Variants in ATP2B1 observed in about 807,000 individuals in gnomAD.
ATP2B1 encodes the protein plasma membrane calcium-transporting ATPase 1.
Under a neutral mutation model 124.2 loss-of-function variants are expected in ATP2B1, and 14 were observed. The ratio of observed to expected loss-of-function variants is 0.11; its 90% CI spans 0.07 to 0.18. ATP2B1 has a LOEUF of 0.18. Ranked by LOEUF, ATP2B1 falls within the 10% of genes least tolerant of loss-of-function variation. The pLI is 1.00. For missense variants in ATP2B1, 763 were observed against 1,466.1 expected (o/e 0.52, Z 7.83); for synonymous variants, 449 against 492.4 (o/e 0.91, Z 1.17).
chr12:89,661,484 T>C (rs927969154), intron 1 of ATP2B1, among the ~76,000 whole-genome samples: 6 of 152,112 alleles, frequency 3.9e-5, no homozygotes, highest in Admixed American at 6.5e-5. Context: ...AAGATACTTA[T>C]AAAATAAAGC....
chr12:89,637,487 C>G (rs1000008928), intron 3 of ATP2B1, among the ~76,000 whole-genome samples: 1 of 151,752 alleles, frequency 6.6e-6, no homozygotes, highest in Admixed American at 6.6e-5. Flanking sequence ...ATGTGGCTCA[C>G]TGCATGCTCA....
At chr12:89,648,556 T>A (rs1211661412) in intron 2 of ATP2B1, among the ~76,000 whole-genome samples, 1 of 152,118 alleles carries the variant, frequency 6.6e-6, no homozygotes, top group Admixed American at 6.5e-5. Flanking sequence ...TGACCTGAAG[T>A]TGGAACTTAT....
At chr12:89,650,037 C>T (rs1885034338) in intron 2 of ATP2B1, among the ~76,000 whole-genome samples, 1 of 152,202 alleles carries the variant, frequency 6.6e-6, no homozygotes, top group East Asian at 1.9e-4. Flanking sequence ...TGATGCCATG[C>T]TTCCTGTACA....
At chr12:89,646,529 C>G (rs979804402) in intron 2 of ATP2B1, among the ~76,000 whole-genome samples, 13 of 152,078 alleles carry the variant, frequency 8.5e-5, no homozygotes, top group Non-Finnish European at 1.6e-4. Context: ...CAGGTAGTAC[C>G]ACAGAAGCCC....
rs183646536 is a variant in ATP2B1, at chr12:89,680,360, A to T, written c.-221-24253T>A. Among the ~76,000 whole-genome samples the T allele has an allele frequency of 1.6e-4, 25 of 152,298 alleles. No homozygotes were observed. In the East Asian group the frequency reaches 4.6e-3, roughly 28 times the overall value. On this transcript the variant is annotated intron_variant, in intron 1 of 20. Coordinates refer to ENST00000428670, the MANE Select transcript of ATP2B1 (RefSeq NM_001366521.1). ...CTGGAACCAAAAATTCAAAAACTAA[A>T]AAGAGAGATGAACACAAATCCAGGA...
intron 1 of ATP2B1, among the ~76,000 whole-genome samples, chr12:89,678,656 T>G (rs960384659): frequency 5.1e-4 from 78 of 152,182 alleles, no homozygotes; most frequent in African/African-American, 1.9e-3. Flanking sequence ...GCATGTGTCT[T>G]ACTAACAAAA....
intron 15 of ATP2B1, among the ~76,000 whole-genome samples, chr12:89,604,549 GA>G (rs1265174471): frequency 1.3e-5 from 2 of 152,086 alleles, no homozygotes; most frequent in African/African-American, 4.8e-5. Context: ...AACAAAGAAT[GA>G]AGTATTAAAA....
At chr12:89,701,557 CT>C (rs1345296863) in intron 1 of ATP2B1, among the ~76,000 whole-genome samples, 2 of 152,036 alleles carry the variant, frequency 1.3e-5, no homozygotes, top group Non-Finnish European at 2.9e-5. Flanking sequence ...ACCTTTTTAC[CT>C]TTGGAATTTT....
At chr12:89,705,900 C>G (rs1301232020) in intron 1 of ATP2B1, among the ~76,000 whole-genome samples, 1 of 152,120 alleles carries the variant, frequency 6.6e-6, no homozygotes, top group Admixed American at 6.5e-5. Context: ...TGAATGAAAC[C>G]TTAAATGCAG....
chr12:89,601,357 A>C lies in ATP2B1; in HGVS notation c.3137T>G (p.Phe1046Cys). The change falls in exon 19 of 21, where the codon TTC becomes TGC. Residue 1046 changes from phenylalanine to cysteine, a missense_variant. Phe to Cys is a radical substitution (Grantham distance 205). Around this residue, in one of 7 missense-constraint regions of ATP2B1, gnomAD observed 118 missense variants for 240.3 expected, o/e 0.49. Transcript: ENST00000428670. The stretch of plus-strand genomic sequence containing the variant: ...CCAGAGTAATGTTCCCATTCCTAGG[A>C]ATATTGACCATAGCCACTGTTCTAT... ...LSIEQWLWSI[F>C]LGMGTLLWGQ... 1.1e-5 allele frequency: 18 copies of C among 1,577,816 alleles called. No individual in the cohort carries two copies. Among genetic ancestry groups the C allele is most frequent in the Non-Finnish European group, 1.5e-5 (18 of 1,169,668 alleles).
At chr12:89,682,254 T>G (rs1444239689) in intron 1 of ATP2B1, among the ~76,000 whole-genome samples, 1 of 152,158 alleles carries the variant, frequency 6.6e-6, no homozygotes. Context: ...AAGAGAGACA[T>G]TCTTTGTCAT....
At chr12:89,659,285 C>T (rs565659455) in intron 1 of ATP2B1, among the ~76,000 whole-genome samples, 6 of 152,120 alleles carry the variant, frequency 3.9e-5, no homozygotes, top group East Asian at 3.9e-4. Flanking sequence ...GGCCTCCTGG[C>T]TTACAAAATT....
intron 1 of ATP2B1, among the ~76,000 whole-genome samples, chr12:89,667,665 C>T (rs2136481703): frequency 6.6e-6 from 1 of 152,194 alleles, no homozygotes; most frequent in Middle Eastern, 3.4e-3. Flanking sequence ...AGTTTACAGT[C>T]TAAATGAGGG....
At chr12:89,687,013 A>C (rs1049553161) in intron 1 of ATP2B1, among the ~76,000 whole-genome samples, 3 of 151,728 alleles carry the variant, frequency 2.0e-5, no homozygotes, top group Non-Finnish European at 4.4e-5. Flanking sequence ...ATTCGGGGGG[A>C]AAAAAAAGGA....
chr12:89,603,150 A>G lies in ATP2B1; in HGVS notation c.2953T>C (p.Phe985Leu). ...ATTTTCCGGGCATTTATTTCGTTGAAAAGTTGCATCAGCACAAAGGTATTA... is the reference window on the plus strand; with the variant it reads ...ATTTTCCGGGCATTTATTTCGTTGAGAAGTTGCATCAGCACAAAGGTATTA... ...VFNTFVLMQL[F>L]NEINARKIHG... The change falls in exon 18 of 21, where the codon TTC becomes CTC. Residue 985 changes from phenylalanine to leucine, a missense_variant. By Grantham distance (22) the Phe-to-Leu change is conservative. Coordinates refer to ENST00000428670, the MANE Select transcript of ATP2B1 (RefSeq NM_001366521.1). This position sits in a 1 kb window ranked among gnomAD's most constrained non-coding sequence, Gnocchi z 4.3. 6.2e-7 allele frequency: 1 copy of G among 1,613,958 alleles called. No individual in the cohort carries two copies. Among genetic ancestry groups the G allele is most frequent in the Non-Finnish European group, 8.5e-7 (1 of 1,179,922 alleles).
chr12:89,668,827 T>C (rs927062266), intron 1 of ATP2B1, among the ~76,000 whole-genome samples: 7 of 152,162 alleles, frequency 4.6e-5, no homozygotes, highest in African/African-American at 1.7e-4. Flanking sequence ...AGCTCTTAGA[T>C]TTCCCATCTC....
intron 12 of ATP2B1, 74 bp downstream of exon 12, chr12:89,616,728 C>T: frequency 7.4e-7 from 1 of 1,355,420 alleles, no homozygotes; most frequent in Non-Finnish European, 1.0e-6. Context: ...TACTAGAAAA[C>T]TGGTTACAAT....
At chr12:89,682,275 T>C (rs1889449501) in intron 1 of ATP2B1, among the ~76,000 whole-genome samples, 1 of 152,128 alleles carries the variant, frequency 6.6e-6, no homozygotes, top group Non-Finnish European at 1.5e-5. Flanking sequence ...GATTAGGACT[T>C]CTCTAAGTCA....
chr12:89,662,553 T>G (rs892390832), intron 1 of ATP2B1, among the ~76,000 whole-genome samples: 1 of 152,100 alleles, frequency 6.6e-6, no homozygotes, highest in Admixed American at 6.6e-5. Context: ...ACATACACAC[T>G]CACATAAAAG....
Sources: gnomAD v4.1 joint callset for allele counts (sites outside exome capture counted in the v4.1 genomes callset) on GRCh38, gnomAD v4.1.1 for gene constraint, gnomAD v4.1.1 regional missense constraint, Gnocchi (gnomAD v3.1) non-coding constraint, MANE v1.5 for transcripts, NCBI Gene and HGNC (gene_info 2026-07-23, HGNC 2026-07-21) for gene names.